The following ANK3 variants were observed in gnomAD, a reference collection of about 807,000 sequenced individuals.
ANK3 encodes ankyrin-3.
Under a neutral mutation model 370.9 loss-of-function variants are expected in ANK3, and 57 were observed. That is an observed-to-expected ratio of 0.15 (90% CI 0.12 to 0.19). The LOEUF is 0.19. Ranked by LOEUF, ANK3 falls within the 10% of genes least tolerant of loss-of-function variation. The pLI is 1.00. For synonymous variants in ANK3, 1,929 were observed against 1,946.3 expected (o/e 0.99, Z 0.23); for missense variants, 4,439 against 5,302.1 (o/e 0.84, Z 5.06).
intron 1 of ANK3, among the ~76,000 whole-genome samples, chr10:60,616,162 T>C (rs758243595): frequency 6.6e-6 from 1 of 152,178 alleles, no homozygotes; most frequent in Non-Finnish European, 1.5e-5. Flanking sequence ...CAATTTCATG[T>C]TTCTATTTGA....
intron 2 of ANK3, among the ~76,000 whole-genome samples, chr10:60,451,749 T>C (rs966818664): frequency 1.3e-5 from 2 of 152,198 alleles, no homozygotes; most frequent in East Asian, 1.9e-4. Context: ...AATGTGGTTG[T>C]CTTTGGGCTG....
chr10:60,140,285 G>A (rs374080068), intron 23 of ANK3: 55 of 1,484,402 alleles, frequency 3.7e-5, no homozygotes, highest in Non-Finnish European at 4.7e-5. Flanking sequence ...TTACGGCTGG[G>A]CTATTTGCAC....
intron 2 of ANK3, among the ~76,000 whole-genome samples, chr10:60,470,000 A>G: frequency 6.6e-6 from 1 of 152,010 alleles, no homozygotes; most frequent in East Asian, 1.9e-4. Flanking sequence ...TCATTCCCCA[A>G]CTTTAGACTT....
In ANK3 at chr10:60,069,985, G is replaced by A; in HGVS notation, c.10896C>T (p.Phe3632=). 10 of 1,614,040 alleles carry A rather than the reference G, an allele frequency of 6.2e-6. No individual in the cohort carries two copies. Among genetic ancestry groups the A allele is most frequent in the Non-Finnish European group, 8.5e-6 (10 of 1,180,010 alleles). Residue 3632 remains phenylalanine (F), a synonymous_variant, in exon 37 of 44, where the codon TTC becomes TTT. Transcript: ENST00000280772. ...RDFVEERLQF[F]QIGEHTSEGK... ...CTTCAGAAGTATGCTCACCAATCTG[G>A]AAAAATTGGAGCCTCTCTTCAACAA...
chr10:60,435,758 T>C (rs1048564686), intron 2 of ANK3, among the ~76,000 whole-genome samples: 1 of 152,228 alleles, frequency 6.6e-6, no homozygotes, highest in African/African-American at 2.4e-5. Context: ...AATGTGAACA[T>C]GGAATATTTG....
intron 7 of ANK3, among the ~76,000 whole-genome samples, chr10:60,257,096 G>A (rs1354018358): frequency 6.6e-6 from 1 of 152,196 alleles, no homozygotes; most frequent in Non-Finnish European, 1.5e-5. Context: ...GTATATAAGT[G>A]CAGAAGAGAA....
intron 43 of ANK3, among the ~76,000 whole-genome samples, chr10:60,038,869 G>A (rs1043760005): frequency 3.3e-5 from 5 of 152,134 alleles, no homozygotes; most frequent in African/African-American, 1.2e-4. Context: ...CAGGGTGCTT[G>A]CACATGTTGT....
chr10:60,469,266 T>C (rs183584207), intron 2 of ANK3, among the ~76,000 whole-genome samples: 1 of 36,436 alleles, frequency 2.7e-5, no homozygotes, highest in Non-Finnish European at 5.6e-5. Flanking sequence ...TATATATATA[T>C]ATATACCATT....
chr10:60,585,874 AT>A (rs1408443619), intron 2 of ANK3, among the ~76,000 whole-genome samples: 1 of 152,092 alleles, frequency 6.6e-6, no homozygotes, highest in Non-Finnish European at 1.5e-5. Flanking sequence ...AGATTCAAAA[AT>A]TAGCTCGACG....
chr10:60,249,660 A>C (rs2097615069), intron 7 of ANK3, among the ~76,000 whole-genome samples: 1 of 152,234 alleles, frequency 6.6e-6, no homozygotes, highest in African/African-American at 2.4e-5. Flanking sequence ...GTTTGGAAAT[A>C]CTAAAGTCAG....
intron 1 of ANK3, among the ~76,000 whole-genome samples, chr10:60,333,155 T>A (rs1309493575): frequency 6.6e-6 from 1 of 151,820 alleles, no homozygotes; most frequent in Non-Finnish European, 1.5e-5. Flanking sequence ...TGAGCATCTT[T>A]TTATTATTAT....
intron 1 of ANK3, among the ~76,000 whole-genome samples, chr10:60,303,421 A>C (rs1310359497): frequency 2.6e-5 from 4 of 152,228 alleles, no homozygotes; most frequent in Non-Finnish European, 1.5e-5. Context: ...CATTTTTCAA[A>C]AGTTGACTTC....
At chr10:60,347,411 G>T (rs2055841867) in intron 1 of ANK3, among the ~76,000 whole-genome samples, 1 of 151,716 alleles carries the variant, frequency 6.6e-6, no homozygotes, top group South Asian at 2.1e-4. Context: ...TGACTATGAA[G>T]CACTTCCTTG....
intron 2 of ANK3, among the ~76,000 whole-genome samples, chr10:60,552,761 C>T (rs2077116819): frequency 6.6e-6 from 1 of 152,188 alleles, no homozygotes; most frequent in Non-Finnish European, 1.5e-5. Context: ...ATGTCCCCAC[C>T]AAAATCTCAT....
At chr10:60,494,814 T>G (rs1460942636) in intron 2 of ANK3, among the ~76,000 whole-genome samples, 2 of 152,204 alleles carry the variant, frequency 1.3e-5, no homozygotes, top group African/African-American at 4.8e-5. Context: ...ATGAATGACA[T>G]AGCACAGATT....
rs192272857 is a variant in ANK3 at position 60,463,217 on chromosome 10, T to C, written c.96+151969A>G. ...CCACACCCAGCCTCCCTAGGTTCTA[T>C]AGCTAAGAAAGTTCTTTCCTCTTTT... On this transcript the variant is annotated intron_variant, in intron 2 of 43. Coordinates refer to the ANK3 transcript ENST00000373827. 1.1e-4 allele frequency among the ~76,000 whole-genome samples: 16 copies of C among 152,322 alleles called. No individual in the cohort carries two copies. In the East Asian group the frequency reaches 2.9e-3, roughly 28 times the overall value.
intron 1 of ANK3, among the ~76,000 whole-genome samples, chr10:60,343,070 G>A (rs967878677): frequency 7.9e-5 from 12 of 152,116 alleles, no homozygotes; most frequent in Admixed American, 2.0e-4. Context: ...AGCAATCAAG[G>A]ACAGGAGGAC....
intron 2 of ANK3, among the ~76,000 whole-genome samples, chr10:60,467,783 C>G (rs1458467605): frequency 6.6e-6 from 1 of 151,844 alleles, no homozygotes; most frequent in Non-Finnish European, 1.5e-5. Flanking sequence ...AAAAGGAAAA[C>G]AGTTTAAGCA....
chr10:60,299,461 A>G (rs1450986168), intron 1 of ANK3, among the ~76,000 whole-genome samples: 3 of 152,196 alleles, frequency 2.0e-5, no homozygotes, highest in Admixed American at 1.3e-4. Context: ...CATTATGACT[A>G]TTTCACTAAA....
Sources: allele counts gnomAD v4.1 joint callset (sites outside exome capture counted in the v4.1 genomes callset), GRCh38; gene constraint gnomAD v4.1.1; transcripts MANE v1.5; gene names NCBI Gene and HGNC (gene_info 2026-07-23, HGNC 2026-07-21).